SIRT4: variants seen among roughly 807,000 people sequenced by gnomAD.
SIRT4 encodes sirtuin 4, also known as NAD-dependent protein lipoamidase sirtuin-4, mitochondrial.
A neutral mutation model predicts 26.1 loss-of-function variants in SIRT4; 23 were observed. That is an observed-to-expected ratio of 0.88 (90% CI 0.63 to 1.25). SIRT4 has a LOEUF of 1.25. SIRT4 is among the 50% of genes most tolerant of loss of function. The probability of loss-of-function intolerance (pLI) is 0.00; values close to 1 mark genes in which losing one functional copy is unlikely to be tolerated. For missense variants in SIRT4, 361 were observed against 405.4 expected, an observed-to-expected ratio of 0.89 and a Z score of 0.94; for synonymous variants, 155 against 158.4, an observed-to-expected ratio of 0.98 and a Z score of 0.16.
chr12:120,301,172 T>C (rs562506476), upstream of SIRT4, among the ~76,000 whole-genome samples: 131 of 151,878 alleles, frequency 8.6e-4, no homozygotes, highest in African/African-American at 2.8e-3. Flanking sequence ...TGGTGAAACC[T>C]TGTCTCTACT....
At chr12:120,300,701 G>C (rs1872511635), upstream of SIRT4, among the ~76,000 whole-genome samples, 1 of 152,092 alleles carries the variant, frequency 6.6e-6, no homozygotes, top group African/African-American at 2.4e-5. Flanking sequence ...TCCTGCCTTG[G>C]CCTCCCAAAG....
intron 2 of SIRT4, 141 bp downstream of exon 2, chr12:120,304,199 G>A: frequency 8.9e-7 from 1 of 1,127,964 alleles, no homozygotes; most frequent in Admixed American, 2.8e-5. Flanking sequence ...GTTGATTCCA[G>A]TAAATTCATT....
upstream of SIRT4, among the ~76,000 whole-genome samples, chr12:120,299,126 C>G (rs1872450624): frequency 6.7e-6 from 1 of 150,144 alleles, no homozygotes; most frequent in Non-Finnish European, 1.5e-5. Flanking sequence ...GAGGCTGAGG[C>G]AGGAGAATCG....
upstream of SIRT4, among the ~76,000 whole-genome samples, chr12:120,300,158 G>T (rs540543984): frequency 6.6e-6 from 1 of 152,106 alleles, no homozygotes; most frequent in African/African-American, 2.4e-5. Flanking sequence ...TGGGCGTGGT[G>T]GTGGATGCCT....
the SIRT4 span, among the ~76,000 whole-genome samples, chr12:120,292,192 C>T: frequency 6.6e-6 from 1 of 152,134 alleles, no homozygotes; most frequent in Non-Finnish European, 1.5e-5. Context: ...GGAGAGTGAG[C>T]AGTGGGAAAG....
chr12:120,313,096 T>C lies in SIRT4; in HGVS notation c.*60T>C, dbSNP rs1317496439. On this transcript the variant is annotated 3_prime_UTR_variant, in exon 4 of 4. Transcript: ENST00000202967. ...CTTTCACTTGAATCTTGCTGCTAAA[T>C]GTAAATGCCTTCTCAAATGACAGAT... 6.3e-7 allele frequency: 1 copy of C among 1,588,982 alleles called. No individual in the cohort carries two copies. Among genetic ancestry groups the C allele is most frequent in the East Asian group, 2.2e-5 (1 of 44,738 alleles).
chr12:120,303,468 C>G, intron 1 of SIRT4, 93 bp from the exon 2 acceptor site: 1 of 1,415,656 alleles, frequency 7.1e-7, no homozygotes. Flanking sequence ...GAGGGAGACT[C>G]TGTCTCAAAA....
Position 120,312,876 on chromosome 12 carries a change from C to T in SIRT4, c.793-8C>T, listed in dbSNP as rs1873046626. The T allele has an allele frequency of 6.2e-7, 1 of 1,613,868 alleles. No individual in the cohort carries two copies. Among genetic ancestry groups the T allele is most frequent in the Non-Finnish European group, 8.5e-7 (1 of 1,179,930 alleles). On this transcript the variant is annotated splice_polypyrimidine_tract_variant and splice_region_variant and intron_variant, in intron 3 of 3. Coordinates refer to ENST00000202967, the MANE Select transcript of SIRT4 (RefSeq NM_012240.3). ...AGACATTCTTATGTGTGTCTTTTCT[C>T]CGTGCAGGTATACTCTGGTTACAGG... is the stretch of plus-strand genomic sequence containing the variant.
Position 120,303,605 on chromosome 12 carries a change from G to T in SIRT4, c.44G>T (p.Arg15Leu). The T allele has an allele frequency of 6.2e-7, 1 of 1,613,916 alleles. No homozygotes were observed. Among genetic ancestry groups the T allele is most frequent in the Non-Finnish European group, 8.5e-7 (1 of 1,179,988 alleles). The stretch of plus-strand genomic sequence containing the variant: ...TTGACTTTCAGGTCAGCAAAAGGCC[G>T]TTGGATCGCAAACCCCAGCCAGCCG... Reference protein sequence around the residue: ...FALTFRSAKGRWIANPSQPCS... With the variant: ...FALTFRSAKGLWIANPSQPCS... The change falls in exon 2 of 4, where the codon CGT becomes CTT. Residue 15 changes from arginine to leucine, a missense_variant. Transcript: ENST00000202967.
Position 120,310,888 on chromosome 12 carries a change from A to C in SIRT4, c.498-1568A>C, listed in dbSNP as rs1176428283. 2.0e-5 allele frequency among the ~76,000 whole-genome samples: 3 copies of C among 150,996 alleles called. No individual in the cohort carries two copies. In the East Asian group the frequency reaches 6.1e-4, roughly 31 times the overall value. Reference sequence around the variant, plus strand: ...GTAGCTGGGACTACAGGCGCCCGCCACCACGGCCGGCTAATTTTTTGTATT... The same window carrying C: ...GTAGCTGGGACTACAGGCGCCCGCCCCCACGGCCGGCTAATTTTTTGTATT... On this transcript the variant is annotated intron_variant, in intron 2 of 3. Coordinates refer to ENST00000202967, the MANE Select transcript of SIRT4 (RefSeq NM_012240.3).
rs1231983713 is a variant in SIRT4, at chr12:120,312,949, C to T, written c.858C>T (p.Asn286=). 4.3e-6 allele frequency: 7 copies of T among 1,614,084 alleles called. No individual in the cohort carries two copies. Among genetic ancestry groups the T allele is most frequent in the East Asian group, 2.2e-5 (1 of 44,890 alleles). Residue 286 remains asparagine (N), a synonymous_variant, in exon 4 of 4, where the codon AAC becomes AAT. Transcript: ENST00000202967. ...AGAAGCTCCCGATTGCAATACTGAACATTGGGCCCACACGGTCGGATGACT... is the reference window on the plus strand; with the variant it reads ...AGAAGCTCCCGATTGCAATACTGAATATTGGGCCCACACGGTCGGATGACT... ...WEKKLPIAIL[N]IGPTRSDDLA...
chr12:120,300,200 G>A (rs1380781721), upstream of SIRT4, among the ~76,000 whole-genome samples: 1 of 151,916 alleles, frequency 6.6e-6, no homozygotes, highest in Non-Finnish European at 1.5e-5. Flanking sequence ...GATGAGGTTG[G>A]AGGATCCCTT....
chr12:120,300,531 G>C (rs1872506986), upstream of SIRT4, among the ~76,000 whole-genome samples: 1 of 152,008 alleles, frequency 6.6e-6, no homozygotes, highest in Non-Finnish European at 1.5e-5. Flanking sequence ...CTGCAGCCTC[G>C]ATCTCCTGGG....
the SIRT4 span, among the ~76,000 whole-genome samples, chr12:120,293,885 G>A: frequency 1.3e-5 from 2 of 151,506 alleles, no homozygotes; most frequent in African/African-American, 2.4e-5. Flanking sequence ...TACAATATTT[G>A]TCCTTGAGGT....
chr12:120,305,553 G>A (rs936891344), intron 2 of SIRT4, among the ~76,000 whole-genome samples: 1 of 152,122 alleles, frequency 6.6e-6, no homozygotes, highest in Non-Finnish European at 1.5e-5. Context: ...GAGCCACTGT[G>A]CTTGGCCTTG....
chr12:120,311,445 AG>A (rs1276528891), intron 2 of SIRT4, among the ~76,000 whole-genome samples: 1 of 151,554 alleles, frequency 6.6e-6, no homozygotes, highest in Non-Finnish European at 1.5e-5. Flanking sequence ...AGAGGTGAGA[AG>A]GGGGGCCAGG....
intron 2 of SIRT4, among the ~76,000 whole-genome samples, chr12:120,311,922 A>C (rs1053722433): frequency 6.6e-6 from 1 of 152,034 alleles, no homozygotes; most frequent in Non-Finnish European, 1.5e-5. Flanking sequence ...TCAGCAGGCA[A>C]GGCATTTGCA....
the SIRT4 span, among the ~76,000 whole-genome samples, chr12:120,296,612 ATCT>A: frequency 2.7e-5 from 4 of 147,876 alleles, no homozygotes; most frequent in Admixed American, 1.4e-4. Context: ...GGCTCAAGCG[ATCT>A]TCCCACCTCA....
rs1873061940 is a variant in SIRT4, at chr12:120,313,148, T to G, written c.*112T>G. ...CCAGTTCCCATTCAACAGAGTAGGGTGCACTGACAAAGTATAGAAGGTTCT... is the reference window on the plus strand; with the variant it reads ...CCAGTTCCCATTCAACAGAGTAGGGGGCACTGACAAAGTATAGAAGGTTCT... On this transcript the variant is annotated 3_prime_UTR_variant, in exon 4 of 4. Coordinates refer to ENST00000202967, the MANE Select transcript of SIRT4 (RefSeq NM_012240.3). The G allele has an allele frequency of 8.1e-7, 1 of 1,229,182 alleles. No homozygotes were observed. 76.1% of individuals were successfully genotyped at this position (1,229,182 alleles called of 1,614,324 possible). A position where few individuals can be genotyped will look rare whatever the true frequency, so the allele number is the denominator to read the frequency against.
Sources: gnomAD v4.1 joint callset for allele counts (sites outside exome capture counted in the v4.1 genomes callset) on GRCh38, gnomAD v4.1.1 for gene constraint, MANE v1.5 for transcripts, NCBI Gene and HGNC (gene_info 2026-07-23, HGNC 2026-07-21) for gene names.